Variants in CEP290 observed in about 807,000 individuals in gnomAD.
CEP290 encodes the protein centrosomal protein 290.
In CEP290, 317 loss-of-function variants were observed where a neutral mutation model predicts 344.9. The observed-to-expected ratio is 0.92, with a 90% CI of 0.84 to 1.01. The LOEUF (loss-of-function observed/expected upper bound fraction) is 1.01, where lower values mean the gene tolerates loss of function less well. Ranked by LOEUF, CEP290 falls within the 50% of genes least tolerant of loss-of-function variation. The pLI is 0.00. For synonymous variants in CEP290, 932 were observed against 895.8 expected (o/e 1.04, Z -0.72); for missense variants, 2,754 against 2,761.4 (o/e 1.00, Z 0.06).
rs1003364525 is a variant in CEP290, at chr12:88,107,016, T to C, written c.2566A>G (p.Ile856Val). ...CTTACATTATATTCTTTTACTTTTA[T>C]AGCATCTTGTTGGACTTGATCCTCA... is the stretch of plus-strand genomic sequence containing the variant. ...KLEDQVQQDAIKVKEYNNLLN... is the reference protein window; with the variant it reads ...KLEDQVQQDAVKVKEYNNLLN... Residue 856 changes from isoleucine (I) to valine (V), a missense_variant, in exon 24 of 54, where the codon ATA (isoleucine) becomes GTA (valine). By Grantham distance (29) the Ile-to-Val change is conservative (BLOSUM62 3). Coordinates refer to ENST00000552810, the MANE Select transcript of CEP290 (RefSeq NM_025114.4). 1.9e-6 allele frequency: 3 copies of C among 1,550,384 alleles called. No homozygotes were observed. The highest frequency in any genetic ancestry group is 2.7e-5 in the African/African-American group (2 of 72,886).
At position 88,139,286 on chromosome 12, in the gene CEP290, A is replaced by G. The variant is rs924899507; in HGVS notation, c.251-95T>C. ...TTCAATAACAAAATTAATTCTTTTA[A>G]AAGAGTCCATCATGATTATAAGGTA... On this transcript the variant is annotated intron_variant, in intron 4 of 53. Transcript: ENST00000552810. The G allele has an allele frequency of 1.6e-5, 10 of 621,848 alleles. No individual in the cohort carries two copies. The African/African-American group carries it at 1.7e-4, about 11-fold the overall frequency. 38.5% of individuals were successfully genotyped at this position (621,848 alleles called of 1,614,324 possible). A position where few individuals can be genotyped will look rare whatever the true frequency, so the allele number is the denominator to read the frequency against.
intron 38 of CEP290, 101 bp downstream of exon 38, chr12:88,080,081 G>A (rs1310262865): frequency 9.2e-6 from 7 of 760,984 alleles, no homozygotes; most frequent in African/African-American, 3.5e-5. Context: ...ATTACAACAC[G>A]GAGATTTATA....
At chr12:88,061,080 C>A in intron 46 of CEP290, 86 bp from the exon 47 acceptor site, 2 of 896,260 alleles carry the variant, frequency 2.2e-6, no homozygotes, top group South Asian at 2.5e-5. Context: ...TTATTATACT[C>A]AATAATTCCT....
rs2036110319 is a variant in CEP290, at chr12:88,080,363, T to A, written c.5045A>T (p.Lys1682Ile). The part of the protein sequence containing the change: ...LQENHEDEVK[K>I]VKAEVEDLKY... ...TAAATCCTCTACTTCCGCTTTTACT[T>A]TTTTCACTTCATCTTCATGGTTTTC... The change falls in exon 38 of 54, where the codon AAA becomes ATA. Residue 1682 changes from lysine to isoleucine, a missense_variant. Transcript: ENST00000552810. The A allele has an allele frequency of 6.2e-7, 1 of 1,613,350 alleles. No homozygotes were observed. The highest frequency in any genetic ancestry group is 8.5e-7 in the Non-Finnish European group (1 of 1,179,570).
chr12:88,102,714 T>C, intron 26 of CEP290, 124 bp downstream of exon 26: 1 of 683,998 alleles, frequency 1.5e-6, no homozygotes, highest in South Asian at 2.1e-5. Flanking sequence ...TGGATAATTA[T>C]ATCTCTGTTA....
chr12:88,063,239 T>C (rs1354018863), intron 45 of CEP290, among the ~76,000 whole-genome samples: 1 of 150,840 alleles, frequency 6.6e-6, no homozygotes, highest in Non-Finnish European at 1.5e-5. Flanking sequence ...ATAGCTTAAC[T>C]ATATCATTAC....
At chr12:88,140,588 A>G (rs925886179) in intron 3 of CEP290, among the ~76,000 whole-genome samples, 3 of 152,188 alleles carry the variant, frequency 2.0e-5, no homozygotes, top group African/African-American at 7.2e-5. Flanking sequence ...CCTTCCACTT[A>G]TCTAACACTA....
At chr12:88,135,229 T>A (rs2040290419) in intron 6 of CEP290, among the ~76,000 whole-genome samples, 1 of 152,088 alleles carries the variant, frequency 6.6e-6, no homozygotes, top group Non-Finnish European at 1.5e-5. Context: ...CCATATTTCA[T>A]CTCAAGGAAT....
At position 88,049,345 on chromosome 12, in the gene CEP290, G is replaced by T; in HGVS notation, c.7279C>A (p.Leu2427Ile). 1 of 1,580,060 alleles carries T rather than the reference G, an allele frequency of 6.3e-7. No homozygotes were observed. Among genetic ancestry groups the T allele is most frequent in the Non-Finnish European group, 8.6e-7 (1 of 1,158,616 alleles). The change falls in exon 54 of 54, where the codon CTT becomes ATT. Residue 2427 changes from leucine (L) to isoleucine (I), a missense_variant. Coordinates refer to ENST00000552810, the MANE Select transcript of CEP290 (RefSeq NM_025114.4). ...DPSFFEEIED[L>I]KYNYKEEVKK... ...ACTTCTTCCTTGTAATTATACTTAAGATCTTCAATTTCTTCAAAAAATGAA... is the reference window on the plus strand; with the variant it reads ...ACTTCTTCCTTGTAATTATACTTAATATCTTCAATTTCTTCAAAAAATGAA...
chr12:88,062,706 C>T lies in CEP290; in HGVS notation c.6343G>A (p.Gly2115Ser). The T allele has an allele frequency of 6.2e-7, 1 of 1,603,678 alleles. No individual in the cohort carries two copies. Among genetic ancestry groups the T allele is most frequent in the Non-Finnish European group, 8.5e-7 (1 of 1,174,214 alleles). ...TTCTCACATACCCCTCTAACATGGC[C>T]AAGTTTCCGCTGAACTTCTGCTTTT... ...KEKAEVQRKL[G>S]HVRGSGRSGK... The change falls in exon 46 of 54, where the codon GGC becomes AGC. Residue 2115 changes from glycine (G) to serine (S), a missense_variant. By Grantham distance (56) the Gly-to-Ser change is moderately conservative. Transcript: ENST00000552810.
At chr12:88,115,394 A>G (rs547882700) in intron 18 of CEP290, 2 of 874,076 alleles carry the variant, frequency 2.3e-6, no homozygotes, top group African/African-American at 3.4e-5. Flanking sequence ...CTCTCCCAAC[A>G]TCCATGGTAA....
At chr12:88,123,428 A>G (rs1405882061) in intron 13 of CEP290, among the ~76,000 whole-genome samples, 1 of 152,134 alleles carries the variant, frequency 6.6e-6, no homozygotes, top group African/African-American at 2.4e-5. Flanking sequence ...TGCTAAGTCC[A>G]ATAGTCAACT....
In CEP290 at chr12:88,089,355, A is replaced by T; in HGVS notation, c.3706T>A (p.Leu1236Met). 6.2e-7 allele frequency: 1 copy of T among 1,613,996 alleles called. No individual in the cohort carries two copies. The highest frequency in any genetic ancestry group is 8.5e-7 in the Non-Finnish European group (1 of 1,179,896). ...SKLQKMEAYN[L>M]RLEQKLDEKE... is the part of the protein sequence containing the mutation. The stretch of plus-strand genomic sequence containing the variant: ...TCATCAAGTTTCTGCTCTAAGCGCA[A>T]GTTGTAGGCCTCCATCTTCTGCAGT... Residue 1236 changes from leucine to methionine, a missense_variant, in exon 31 of 54, where the codon TTG becomes ATG. Transcript: ENST00000552810.
At chr12:88,107,263 T>A (rs1294987042) in intron 23 of CEP290, among the ~76,000 whole-genome samples, 165 bp from the exon 24 acceptor site, 2 of 152,226 alleles carry the variant, frequency 1.3e-5, no homozygotes, top group African/African-American at 4.8e-5. Flanking sequence ...TTAAAAAGGG[T>A]TTAGCCTAGA....
intron 21 of CEP290, 94 bp from the exon 22 acceptor site, chr12:88,111,445 C>T: frequency 8.5e-7 from 1 of 1,181,954 alleles, no homozygotes; most frequent in Middle Eastern, 1.9e-4. Flanking sequence ...GGAATTTTAC[C>T]TCAACCATAC....
chr12:88,099,967 T>C (rs2037744672), intron 26 of CEP290, among the ~76,000 whole-genome samples: 2 of 151,858 alleles, frequency 1.3e-5, no homozygotes, highest in African/African-American at 4.8e-5. Context: ...CTCCTGAAAC[T>C]TCACTGGTCT....
In CEP290 at chr12:88,071,425, C is replaced by A. The variant is rs2035366795; in HGVS notation, c.5880G>T (p.Leu1960Phe). Reference protein sequence around the residue: ...FAKADKEKLTLQRKLKTTGMT... With the variant: ...FAKADKEKLTFQRKLKTTGMT... ...TGCCAGTTGTTTTTAGTTTCCTCTGCAAAGTAAGTTTCTCTTTATCGGCTC... is the reference window on the plus strand; with the variant it reads ...TGCCAGTTGTTTTTAGTTTCCTCTGAAAAGTAAGTTTCTCTTTATCGGCTC... Residue 1960 changes from leucine to phenylalanine, a missense_variant, in exon 43 of 54, where the codon TTG (leucine) becomes TTT (phenylalanine). Coordinates refer to ENST00000552810, the MANE Select transcript of CEP290 (RefSeq NM_025114.4). The A allele has an allele frequency of 6.2e-7, 1 of 1,609,630 alleles. No individual in the cohort carries two copies. Among genetic ancestry groups the A allele is most frequent in the Non-Finnish European group, 8.5e-7 (1 of 1,178,618 alleles).
intron 25 of CEP290, chr12:88,103,485 C>T (rs1366797515): frequency 6.5e-6 from 1 of 152,732 alleles, no homozygotes; most frequent in Non-Finnish European, 1.5e-5. Flanking sequence ...ATGATGGAAA[C>T]ATTAGCGGGA....
intron 40 of CEP290, 41 bp from the exon 41 acceptor site, chr12:88,077,385 G>A: frequency 1.6e-6 from 2 of 1,283,378 alleles, no homozygotes; most frequent in Non-Finnish European, 2.1e-6. Flanking sequence ...ACAAATAAAT[G>A]TAAAACAAAA....
Sources: allele counts gnomAD v4.1 joint callset (sites outside exome capture counted in the v4.1 genomes callset), GRCh38; gene constraint gnomAD v4.1.1; transcripts MANE v1.5; gene names NCBI Gene and HGNC (gene_info 2026-07-23, HGNC 2026-07-21).